ZEB1: variants seen among roughly 807,000 people sequenced by gnomAD.
ZEB1 encodes zinc finger E-box binding homeobox 1.
Under a neutral mutation model 84.9 loss-of-function variants are expected in ZEB1, and 21 were observed. The ratio of observed to expected loss-of-function variants is 0.25; its 90% CI spans 0.18 to 0.36. The LOEUF (loss-of-function observed/expected upper bound fraction) is 0.36, where lower values mean the gene tolerates loss of function less well. ZEB1 is among the 10% of genes least tolerant of loss of function. The pLI, the probability that ZEB1 is intolerant of heterozygous loss-of-function variation, is 1.00. For missense variants in ZEB1, 1,104 were observed against 1,330.2 expected (o/e 0.83, Z 2.65); for synonymous variants, 420 against 471.1 (o/e 0.89, Z 1.41).
rs60403022 is a variant in ZEB1, at chr10:31,427,858, C to CA, written c.59-33165dup. Among the ~76,000 whole-genome samples, 849 of 119,302 alleles carry CA rather than the reference C, an allele frequency of 7.1e-3. 3 individuals are homozygous for CA. The highest frequency in any genetic ancestry group is 0.028 in the South Asian group (105 of 3,736). 78.3% of individuals were successfully genotyped at this position (119,302 alleles called of 152,430 possible). A position where few individuals can be genotyped will look rare whatever the true frequency, so the allele number is the denominator to read the frequency against. ...TGGGCAACTGAGCAAGACTCCATCT[C>CA]AAAAAAAAAAAAAAGGCAATGAATC... On this transcript the variant is annotated intron_variant, in intron 1 of 8. Coordinates refer to ENST00000424869, the MANE Select transcript of ZEB1 (RefSeq NM_001174096.2).
chr10:31,372,988 G>A (rs1387708935), intron 1 of ZEB1: 1 of 984,948 alleles, frequency 1.0e-6, no homozygotes, highest in African/African-American at 1.7e-5. Flanking sequence ...GTGGGTGTGG[G>A]AACAACTTAA....
intron 1 of ZEB1, among the ~76,000 whole-genome samples, chr10:31,420,108 C>T (rs528074253): frequency 6.6e-6 from 1 of 152,098 alleles, no homozygotes; most frequent in Non-Finnish European, 1.5e-5. Context: ...CTCTTAAGTC[C>T]TATAACACAT....
intron 1 of ZEB1, among the ~76,000 whole-genome samples, chr10:31,419,337 A>T (rs1282290635): frequency 1.3e-5 from 2 of 152,288 alleles, no homozygotes; most frequent in East Asian, 3.9e-4. Flanking sequence ...AACCCAGATT[A>T]TGGACAGCCA....
At chr10:31,496,148 C>G (rs2067203155) in intron 3 of ZEB1, among the ~76,000 whole-genome samples, 1 of 151,958 alleles carries the variant, frequency 6.6e-6, no homozygotes. Context: ...AAGTTTTTGA[C>G]CAAAGTTAGA....
chr10:31,332,450 C>G lies in ZEB1; in HGVS notation c.58+13158C>G, dbSNP rs115241218. Among the ~76,000 whole-genome samples, 1,073 of 152,206 alleles carry G rather than the reference C, an allele frequency of 7.0e-3. 12 individuals carry two copies. The highest frequency in any genetic ancestry group is 0.024 in the African/African-American group (977 of 41,522). Reference sequence around the variant, plus strand: ...ATAAAATACTCTTCATTCACTATTACTAGTTAATTTTCTAGATTATTTCTG... The same window carrying G: ...ATAAAATACTCTTCATTCACTATTAGTAGTTAATTTTCTAGATTATTTCTG... On this transcript the variant is annotated intron_variant, in intron 1 of 8. Coordinates refer to ENST00000424869, the MANE Select transcript of ZEB1 (RefSeq NM_001174096.2).
At chr10:31,478,807 G>T (rs895416381) in intron 2 of ZEB1, among the ~76,000 whole-genome samples, 1 of 151,826 alleles carries the variant, frequency 6.6e-6, no homozygotes, top group Non-Finnish European at 1.5e-5. Flanking sequence ...GCTAAACAGT[G>T]GTTACATATA....
chr10:31,410,485 C>G (rs1457968632), intron 1 of ZEB1, among the ~76,000 whole-genome samples: 3 of 152,046 alleles, frequency 2.0e-5, no homozygotes, highest in African/African-American at 7.2e-5. Context: ...TGTGTATCTA[C>G]CAGGTTTTGG....
chr10:31,398,255 A>C (rs2135422492), intron 1 of ZEB1, among the ~76,000 whole-genome samples: 1 of 152,282 alleles, frequency 6.6e-6, no homozygotes, highest in Admixed American at 6.5e-5. Flanking sequence ...TAAAAATTAT[A>C]CTATTCATTG....
chr10:31,358,733 A>G (rs969284720), intron 1 of ZEB1: 2 of 152,206 alleles, frequency 1.3e-5, no homozygotes, highest in African/African-American at 4.8e-5. Context: ...AGAAAATACT[A>G]TAATAATGCA....
intron 1 of ZEB1, among the ~76,000 whole-genome samples, chr10:31,394,622 A>C (rs2050360513): frequency 6.6e-6 from 1 of 152,232 alleles, no homozygotes; most frequent in Non-Finnish European, 1.5e-5. Flanking sequence ...ATTGTACTTA[A>C]TATAAATAGG....
chr10:31,509,852 T>C (rs956547774), intron 4 of ZEB1, among the ~76,000 whole-genome samples: 1 of 152,226 alleles, frequency 6.6e-6, no homozygotes, highest in Non-Finnish European at 1.5e-5. Context: ...TGGCAAAATA[T>C]TACATTTTAG....
intron 1 of ZEB1, among the ~76,000 whole-genome samples, chr10:31,375,307 TC>T (rs2046440193): frequency 6.6e-6 from 1 of 151,782 alleles, no homozygotes; most frequent in African/African-American, 2.4e-5. Flanking sequence ...AAGATGTCCT[TC>T]CCATACCTTC....
chr10:31,395,038 T>C (rs2050442795), intron 1 of ZEB1, among the ~76,000 whole-genome samples: 1 of 152,122 alleles, frequency 6.6e-6, no homozygotes, highest in Admixed American at 6.6e-5. Flanking sequence ...AGGAAGTGGG[T>C]TGTTGCTTGT....
In ZEB1 at chr10:31,473,996, C is replaced by T. The variant is rs1158577561; in HGVS notation, c.259+12759C>T. On this transcript the variant is annotated intron_variant, in intron 2 of 8. Transcript: ENST00000424869. ...ATTTAATAAATGGTTCTGGGAAAAC[C>T]GGCTAGCCATATGTACAAAGCTGAA... Among the ~76,000 whole-genome samples the T allele has an allele frequency of 2.9e-4, 44 of 152,190 alleles. No homozygotes were observed. The East Asian group carries it at 5.8e-3, about 20-fold the overall frequency.
intron 1 of ZEB1, among the ~76,000 whole-genome samples, chr10:31,455,703 A>G (rs1435799924): frequency 6.6e-6 from 1 of 152,236 alleles, no homozygotes; most frequent in Non-Finnish European, 1.5e-5. Flanking sequence ...CAAAACCACA[A>G]TGAGATACCA....
intron 2 of ZEB1, among the ~76,000 whole-genome samples, chr10:31,474,170 A>G (rs2138106333): frequency 6.6e-6 from 1 of 152,312 alleles, no homozygotes; most frequent in African/African-American, 2.4e-5. Context: ...CATGTCTAAA[A>G]CACCAAAAGC....
At chr10:31,510,062 G>A (rs55905401) in intron 4 of ZEB1, among the ~76,000 whole-genome samples, 3,576 of 152,146 alleles carry the variant, frequency 0.024, 133 homozygotes, top group African/African-American at 0.082. Context: ...GCCTAGATCT[G>A]GCCCCCATCA....
At chr10:31,326,443 G>A (rs2035513115) in intron 1 of ZEB1, among the ~76,000 whole-genome samples, 2 of 152,062 alleles carry the variant, frequency 1.3e-5, no homozygotes, top group African/African-American at 2.4e-5. Flanking sequence ...AAAGGAAGGA[G>A]GAATTGGAGT....
chr10:31,447,808 G>C (rs888778222), intron 1 of ZEB1, among the ~76,000 whole-genome samples: 4 of 152,186 alleles, frequency 2.6e-5, no homozygotes, highest in Non-Finnish European at 4.4e-5. Flanking sequence ...GCTTCCCTTT[G>C]AGGGTAACCC....
Sources: allele counts gnomAD v4.1 joint callset (sites outside exome capture counted in the v4.1 genomes callset), GRCh38; gene constraint gnomAD v4.1.1; transcripts MANE v1.5; gene names NCBI Gene and HGNC (gene_info 2026-07-23, HGNC 2026-07-21).